The following LRRC61 variants were observed in gnomAD, a reference collection of about 807,000 sequenced individuals.
The protein encoded by LRRC61 is leucine-rich repeat-containing protein 61.
A neutral mutation model predicts 15.1 loss-of-function variants in LRRC61; 9 were observed. The ratio of observed to expected loss-of-function variants is 0.60; its 90% CI spans 0.36 to 1.04. The LOEUF (loss-of-function observed/expected upper bound fraction) is 1.04. LRRC61 is among the 50% of genes least tolerant of loss of function. LRRC61 has a pLI of 0.01. For synonymous variants in LRRC61, 173 were observed against 158.6 expected, an observed-to-expected ratio of 1.09 and a Z score of -0.68; for missense variants, 344 against 335.6, an observed-to-expected ratio of 1.03 and a Z score of -0.20.
At position 150,330,527 on chromosome 7, in the gene LRRC61, G is replaced by T. The variant is rs1798075433; in HGVS notation, c.-145+4517G>T. 1.3e-6 allele frequency: 1 copy of T among 778,338 alleles called. No individual in the cohort carries two copies. Among genetic ancestry groups the T allele is most frequent in the African/African-American group, 1.7e-5 (1 of 59,134 alleles). 48.2% of individuals were successfully genotyped at this position (778,338 alleles called of 1,614,324 possible). ...ACTTTCAGGAGCAGAGTGTCGGGGA[G>T]AGGGGCGCAGCCATCCAGCTGGCTG... On this transcript the variant is annotated intron_variant, in intron 2 of 2. Transcript: ENST00000359623. The surrounding 1 kb of genome is among the most constrained non-coding windows in gnomAD (Gnocchi z 4.6).
chr7:150,324,588 C>G (rs12672566), intron 1 of LRRC61, among the ~76,000 whole-genome samples: 1,798 of 152,282 alleles, frequency 0.012, 68 homozygotes, highest in East Asian at 0.11. Flanking sequence ...GCCTCACTTC[C>G]CTTCTGCACA....
At chr7:150,327,295 T>C (rs575239360) in intron 2 of LRRC61, among the ~76,000 whole-genome samples, 3 of 152,162 alleles carry the variant, frequency 2.0e-5, no homozygotes. Context: ...TACAGAAAAA[T>C]CAGCCATCCA....
chr7:150,332,769 T>C (rs747677840), intron 2 of LRRC61: 15 of 166,366 alleles, frequency 9.0e-5, no homozygotes, highest in Admixed American at 3.9e-4. Context: ...CCAGATTGCT[T>C]AGATCACTCC....
Position 150,330,502 on chromosome 7 carries a change from A to G in LRRC61, c.-145+4492A>G. ...ATCTTCCTGGAGCAGGTTCACACAC[A>G]CTTTCAGGAGCAGAGTGTCGGGGAG... is the stretch of plus-strand genomic sequence containing the variant. On this transcript the variant is annotated intron_variant, in intron 2 of 2. Transcript: ENST00000359623. This position sits in a 1 kb window ranked among gnomAD's most constrained non-coding sequence, Gnocchi z 4.6. The G allele has an allele frequency of 1.3e-6, 1 of 780,128 alleles. No homozygotes were observed. 48.3% of individuals were successfully genotyped at this position (780,128 alleles called of 1,614,324 possible).
chr7:150,330,905 G>C lies in LRRC61; in HGVS notation c.-145+4895G>C. ...CCTTCCTGCTGGCCCAGAGGGAGAA[G>C]GGCTTGCTGGAGAGCATGGGGCTGC... is the stretch of plus-strand genomic sequence containing the variant. On this transcript the variant is annotated intron_variant, in intron 2 of 2. Transcript: ENST00000359623. The surrounding 1 kb of genome is among the most constrained non-coding windows in gnomAD (Gnocchi z 4.6). The C allele has an allele frequency of 6.2e-7, 1 of 1,612,646 alleles. No individual in the cohort carries two copies. Among genetic ancestry groups the C allele is most frequent in the South Asian group, 1.1e-5 (1 of 91,060 alleles).
chr7:150,338,018 A>G lies in LRRC61; in HGVS notation c.*377A>G. 2.4e-6 allele frequency: 1 copy of G among 422,300 alleles called. No individual in the cohort carries two copies. The highest frequency in any genetic ancestry group is 4.6e-6 in the Non-Finnish European group (1 of 219,294). 26.2% of individuals were successfully genotyped at this position (422,300 alleles called of 1,614,324 possible). ...AGACAGTAGGCAGGCTGAGTGGCCC[A>G]GAGCACTCCTGGAAGTGGGACTCCC... is the stretch of plus-strand genomic sequence containing the variant. On this transcript the variant is annotated 3_prime_UTR_variant, in exon 3 of 3. Coordinates refer to ENST00000359623, the MANE Select transcript of LRRC61 (RefSeq NM_001142928.2).
chr7:150,330,084 A>C lies in LRRC61; in HGVS notation c.-145+4074A>C. On this transcript the variant is annotated intron_variant, in intron 2 of 2. Transcript: ENST00000359623. This position sits in a 1 kb window ranked among gnomAD's most constrained non-coding sequence, Gnocchi z 4.6. ...CCACTGCCTCGACTCCCTGGTGAGA[A>C]ACTTTCTGTGTCACCCTCACAGTGT... is the stretch of plus-strand genomic sequence containing the variant. The C allele has an allele frequency of 6.2e-6, 2 of 322,602 alleles. No individual in the cohort carries two copies. The highest frequency in any genetic ancestry group is 1.2e-5 in the Non-Finnish European group (2 of 173,882). 20.0% of individuals were successfully genotyped at this position (322,602 alleles called of 1,614,324 possible). A position where few individuals can be genotyped will look rare whatever the true frequency, so the allele number is the denominator to read the frequency against.
chr7:150,322,226 A>C (rs1797595717), upstream of LRRC61, among the ~76,000 whole-genome samples: 1 of 152,210 alleles, frequency 6.6e-6, no homozygotes, highest in South Asian at 2.1e-4. Flanking sequence ...AGAGGTGTTT[A>C]AGCCAGAATT....
rs1485407333 is a variant in LRRC61 at position 150,323,408 on chromosome 7, G to A, written c.-467G>A. Reference sequence around the variant, plus strand: ...CACGCTGGCCAACAAGTTGGGTGGTGGGCACGCGGCCCAGGGGTCAGGGGC... The same window carrying A: ...CACGCTGGCCAACAAGTTGGGTGGTAGGCACGCGGCCCAGGGGTCAGGGGC... On this transcript the variant is annotated 5_prime_UTR_variant, in exon 1 of 3. Transcript: ENST00000359623. 1 of 305,442 alleles carries A rather than the reference G, an allele frequency of 3.3e-6. No homozygotes were observed. The highest frequency in any genetic ancestry group is 2.4e-5 in the African/African-American group (1 of 42,228). 18.9% of individuals were successfully genotyped at this position (305,442 alleles called of 1,614,324 possible). A position where few individuals can be genotyped will look rare whatever the true frequency, so the allele number is the denominator to read the frequency against.
In LRRC61 at chr7:150,329,343, C is replaced by T. The variant is rs147530050; in HGVS notation, c.-145+3333C>T. Among the ~76,000 whole-genome samples, 942 of 152,322 alleles carry T rather than the reference C, an allele frequency of 6.2e-3. 24 individuals are homozygous for T. Among genetic ancestry groups the T allele is most frequent in the Admixed American group, 0.048 (734 of 15,296 alleles). ...GGGAATAAAAGCTAAGATGCACGGA[C>T]GTATCGGTGACACAGCTAGTGCTGT... On this transcript the variant is annotated intron_variant, in intron 2 of 2. Coordinates refer to ENST00000359623, the MANE Select transcript of LRRC61 (RefSeq NM_001142928.2).
chr7:150,330,551 T>C lies in LRRC61; in HGVS notation c.-145+4541T>C. The C allele has an allele frequency of 1.3e-6, 1 of 778,114 alleles. No homozygotes were observed. The highest frequency in any genetic ancestry group is 2.3e-4 in the Middle Eastern group (1 of 4,430). 48.2% of individuals were successfully genotyped at this position (778,114 alleles called of 1,614,324 possible). On this transcript the variant is annotated intron_variant, in intron 2 of 2. Coordinates refer to ENST00000359623, the MANE Select transcript of LRRC61 (RefSeq NM_001142928.2). This position sits in a 1 kb window ranked among gnomAD's most constrained non-coding sequence, Gnocchi z 4.6. ...AGAGGGGCGCAGCCATCCAGCTGGC[T>C]GAGGGGTTGGCCCGGCAGCTCTGCA...
At position 150,337,703 on chromosome 7, in the gene LRRC61, G is replaced by GC. The variant is rs1798355775; in HGVS notation, c.*67dup. On this transcript the variant is annotated 3_prime_UTR_variant, in exon 3 of 3. Coordinates refer to ENST00000359623, the MANE Select transcript of LRRC61 (RefSeq NM_001142928.2). Reference sequence around the variant, plus strand: ...CTCGCTGCCCCCAGTTCCCCTCTCTGCCCCCACACTCGTCTTAGTTGCTTC... The same window carrying GC: ...CTCGCTGCCCCCAGTTCCCCTCTCTGCCCCCCACACTCGTCTTAGTTGCTTC... 6.8e-7 allele frequency: 1 copy of GC among 1,474,820 alleles called. No homozygotes were observed. The highest frequency in any genetic ancestry group is 9.1e-7 in the Non-Finnish European group (1 of 1,104,274). The allele number at this position is 1,474,820 out of a possible 1,614,324, so 91.4% of individuals were successfully genotyped here.
chr7:150,323,262 C>T (rs1797747354), upstream of LRRC61: 1 of 248,048 alleles, frequency 4.0e-6, no homozygotes, highest in Non-Finnish European at 8.0e-6. Flanking sequence ...CGAAGACCCC[C>T]GCAGGCTGCG....
intron 1 of LRRC61, among the ~76,000 whole-genome samples, chr7:150,325,401 C>A (rs928473255): frequency 1.3e-5 from 2 of 152,238 alleles, no homozygotes; most frequent in African/African-American, 4.8e-5. Flanking sequence ...CTTAGAAGCC[C>A]TTGGAATCTT....
At chr7:150,336,689 C>A in intron 2 of LRRC61, 29 bp from the exon 3 acceptor site, 1 of 800,552 alleles carries the variant, frequency 1.2e-6, no homozygotes, top group Non-Finnish European at 2.0e-6. Context: ...ACAGAAAGTG[C>A]TGCCTGCTGA....
chr7:150,332,774 C>T (rs1303265624), intron 2 of LRRC61: 2 of 166,064 alleles, frequency 1.2e-5, no homozygotes, highest in Non-Finnish European at 2.9e-5. Flanking sequence ...TTGCTTAGAT[C>T]ACTCCACTAC....
intron 2 of LRRC61, chr7:150,332,528 A>G (rs1298173299): frequency 1.2e-5 from 2 of 167,092 alleles, no homozygotes; most frequent in Non-Finnish European, 2.9e-5. Context: ...TCATTATAAC[A>G]TTTGGATATT....
At chr7:150,322,208 C>T (rs1174037126), upstream of LRRC61, among the ~76,000 whole-genome samples, 1 of 152,122 alleles carries the variant, frequency 6.6e-6, no homozygotes, top group African/African-American at 2.4e-5. Context: ...GGCATTTGCC[C>T]CAGTGTCAGA....
In LRRC61 at chr7:150,333,802, T is replaced by C; in HGVS notation, c.-144-2916T>C. The C allele has an allele frequency of 1.4e-6, 1 of 690,848 alleles. No individual in the cohort carries two copies. The highest frequency in any genetic ancestry group is 1.9e-5 in the African/African-American group (1 of 51,386). 42.8% of individuals were successfully genotyped at this position (690,848 alleles called of 1,614,324 possible). On this transcript the variant is annotated intron_variant, in intron 2 of 2. Coordinates refer to ENST00000359623, the MANE Select transcript of LRRC61 (RefSeq NM_001142928.2). This position sits in a 1 kb window ranked among gnomAD's most constrained non-coding sequence, Gnocchi z 4.3. ...ATCCTCCTTGTGTCTGCGGGCAGCCTGATGGTTAGTTGGGTCTGCACAGGT... is the reference window on the plus strand; with the variant it reads ...ATCCTCCTTGTGTCTGCGGGCAGCCCGATGGTTAGTTGGGTCTGCACAGGT...
Sources: gnomAD v4.1 joint callset for allele counts (sites outside exome capture counted in the v4.1 genomes callset) on GRCh38, gnomAD v4.1.1 for gene constraint, Gnocchi (gnomAD v3.1) non-coding constraint, MANE v1.5 for transcripts, NCBI Gene and HGNC (gene_info 2026-07-23, HGNC 2026-07-21) for gene names.